HRH1: variants seen among roughly 807,000 people sequenced by gnomAD.
HRH1 encodes the protein histamine receptor H1.
A neutral mutation model predicts 10.3 loss-of-function variants in HRH1; 6 were observed. That is an observed-to-expected ratio of 0.58 (90% confidence interval 0.32 to 1.15). The LOEUF (loss-of-function observed/expected upper bound fraction) is 1.15. Among genes scored for constraint, HRH1 ranks in the 50% most tolerant of loss-of-function variants. HRH1 has a pLI of 0.05. For synonymous variants in HRH1, 242 were observed against 236.7 expected (o/e 1.02, Z -0.21); for missense variants, 514 against 615.3 (o/e 0.84, Z 1.74).
rs373718038 is a variant in HRH1, at chr3:11,219,022, T to C, written c.-35-39981T>C. Among the ~76,000 whole-genome samples the C allele has an allele frequency of 6.0e-4, 92 of 152,260 alleles. 2 individuals are homozygous for C. Among genetic ancestry groups the C allele is most frequent in the African/African-American group, 2.2e-3 (90 of 41,552 alleles). Reference sequence around the variant, plus strand: ...TTTCCTGCCTCAGCCTCTGAGTAGCTGGGATTACAGGCATAAGCTACCATG... The same window carrying C: ...TTTCCTGCCTCAGCCTCTGAGTAGCCGGGATTACAGGCATAAGCTACCATG... On this transcript the variant is annotated intron_variant, in intron 1 of 1. Transcript: ENST00000431010.
At position 11,241,531 on chromosome 3, in the gene HRH1, G is replaced by A. The variant is rs147810205; in HGVS notation, c.-35-17472G>A. ...ATCAGCACTCTGTAGCTAGCAATGG[G>A]ATTATAAAATGCACCACTCAGGCTG... is the stretch of plus-strand genomic sequence containing the variant. On this transcript the variant is annotated intron_variant, in intron 1 of 1. Transcript: ENST00000431010. 7.2e-3 allele frequency among the ~76,000 whole-genome samples: 1,086 copies of A among 151,638 alleles called. 5 individuals are homozygous for A. The highest frequency in any genetic ancestry group is 0.011 in the Non-Finnish European group (737 of 67,896).
chr3:11,204,768 T>A (rs181778184), intron 1 of HRH1, among the ~76,000 whole-genome samples: 5 of 152,318 alleles, frequency 3.3e-5, no homozygotes, highest in Non-Finnish European at 7.4e-5. Flanking sequence ...AAAGGGTCAG[T>A]CCTCCACTGG....
At chr3:11,254,665 G>A (rs140508608) in intron 1 of HRH1, among the ~76,000 whole-genome samples, 40 of 152,274 alleles carry the variant, frequency 2.6e-4, no homozygotes, top group African/African-American at 7.2e-4. Context: ...GTCTCCTCAC[G>A]AGAAATGATC....
At chr3:11,218,014 C>T (rs1272144055) in intron 1 of HRH1, among the ~76,000 whole-genome samples, 1 of 152,138 alleles carries the variant, frequency 6.6e-6, no homozygotes, top group African/African-American at 2.4e-5. Flanking sequence ...AACAGTCAAA[C>T]TTCCAGATTC....
chr3:11,185,981 G>A (rs1937445073), intron 1 of HRH1, among the ~76,000 whole-genome samples: 1 of 152,132 alleles, frequency 6.6e-6, no homozygotes, highest in African/African-American at 2.4e-5. Flanking sequence ...GGTGTTCTGT[G>A]GAAGCCCCGA....
At chr3:11,257,054 A>G (rs1241895925) in intron 1 of HRH1, among the ~76,000 whole-genome samples, 1 of 149,420 alleles carries the variant, frequency 6.7e-6, no homozygotes, top group Non-Finnish European at 1.5e-5. Context: ...GGAGTTCAAG[A>G]TCAGCCTGAC....
At chr3:11,142,885 G>C (rs1345572476) in intron 1 of HRH1, among the ~76,000 whole-genome samples, 1 of 151,968 alleles carries the variant, frequency 6.6e-6, no homozygotes, top group African/African-American at 2.4e-5. Flanking sequence ...CTGCACTCCA[G>C]CCTGGGCAAC....
chr3:11,239,003 C>T (rs752196729), intron 1 of HRH1, among the ~76,000 whole-genome samples: 8 of 152,254 alleles, frequency 5.3e-5, no homozygotes, highest in South Asian at 2.1e-4. Flanking sequence ...TGTGGTCACA[C>T]GATTAGTTCT....
intron 1 of HRH1, among the ~76,000 whole-genome samples, chr3:11,212,572 G>A (rs892615633): frequency 2.6e-5 from 4 of 152,136 alleles, no homozygotes; most frequent in Non-Finnish European, 4.4e-5. Flanking sequence ...AAGGCAATGG[G>A]CACTTTTCCC....
At chr3:11,163,021 G>A (rs954019619) in intron 1 of HRH1, among the ~76,000 whole-genome samples, 2 of 152,136 alleles carry the variant, frequency 1.3e-5, no homozygotes, top group African/African-American at 4.8e-5. Flanking sequence ...CATGCTTAGG[G>A]GGAATTAAAA....
rs548490775 is a variant in HRH1 at position 11,181,822 on chromosome 3, A to G, written c.-36+27268A>G. 1.0e-3 allele frequency among the ~76,000 whole-genome samples: 156 copies of G among 152,038 alleles called. 4 individuals are homozygous for G. In the East Asian group the frequency reaches 0.012, roughly 12 times the overall value. On this transcript the variant is annotated intron_variant, in intron 1 of 1. Coordinates refer to ENST00000431010, the MANE Select transcript of HRH1 (RefSeq NM_001098212.2). ...AATTTTTTGTATTTTTAGTAGAGAC[A>G]GGGTTTCACCATGTTAGCCAGGATG...
intron 1 of HRH1, among the ~76,000 whole-genome samples, chr3:11,250,571 A>G (rs1939621622): frequency 6.6e-6 from 1 of 152,044 alleles, no homozygotes; most frequent in African/African-American, 2.4e-5. Flanking sequence ...CTGGTAATTC[A>G]ATGGGTGGAG....
At position 11,228,135 on chromosome 3, in the gene HRH1, T is replaced by A. The variant is rs150668437; in HGVS notation, c.-35-30868T>A. On this transcript the variant is annotated intron_variant, in intron 1 of 1. Coordinates refer to ENST00000431010, the MANE Select transcript of HRH1 (RefSeq NM_001098212.2). The stretch of plus-strand genomic sequence containing the variant: ...AGGCAGGATTCATCTACTTATTCAT[T>A]CATCACTTACTGAACTCCTCCTACC... Among the ~76,000 whole-genome samples, 469 of 152,356 alleles carry A rather than the reference T, an allele frequency of 3.1e-3. 2 individuals are homozygous for A. The highest frequency in any genetic ancestry group is 5.4e-3 in the Non-Finnish European group (367 of 68,040).
chr3:11,144,482 T>TATACCTATAGACGTATAGAC (rs1936384136), intron 1 of HRH1, among the ~76,000 whole-genome samples: 11 of 9,784 alleles, frequency 1.1e-3, no homozygotes, highest in South Asian at 4.2e-3. Flanking sequence ...GACATATATA[T>TATACCTATAGACGTATAGAC]ACACACACAC....
At chr3:11,240,492 CCA>C (rs1213248792) in intron 1 of HRH1, among the ~76,000 whole-genome samples, 1 of 152,016 alleles carries the variant, frequency 6.6e-6, no homozygotes, top group Non-Finnish European at 1.5e-5. Context: ...CCCTCTTGCT[CCA>C]CACACAGTCC....
chr3:11,259,914 G>C lies in HRH1; in HGVS notation c.877G>C (p.Asp293His), dbSNP rs1391854935. Reference protein sequence around the residue: ...MKSPVVFSQEDDREVDKLYCF... With the variant: ...MKSPVVFSQEHDREVDKLYCF... ...ATCCCCAGTTGTCTTCAGCCAAGAG[G>C]ATGATAGAGAAGTAGACAAACTCTA... Residue 293 changes from aspartate (D) to histidine (H), a missense_variant, in exon 2 of 2, where the codon GAT becomes CAT. Transcript: ENST00000431010. The surrounding 1 kb of genome is among the most constrained non-coding windows in gnomAD (Gnocchi z 4.6). 4 of 1,614,050 alleles carry C rather than the reference G, an allele frequency of 2.5e-6. No individual in the cohort carries two copies. The highest frequency in any genetic ancestry group is 2.2e-5 in the East Asian group (1 of 44,900).
At chr3:11,204,948 C>T (rs954835715) in intron 1 of HRH1, among the ~76,000 whole-genome samples, 1 of 152,288 alleles carries the variant, frequency 6.6e-6, no homozygotes, top group South Asian at 2.1e-4. Flanking sequence ...TCCAGCCCCA[C>T]GTTTTTGGCT....
intron 1 of HRH1, among the ~76,000 whole-genome samples, chr3:11,214,617 A>G (rs1938430954): frequency 6.6e-6 from 1 of 152,264 alleles, no homozygotes; most frequent in Non-Finnish European, 1.5e-5. Context: ...TCATTCATTC[A>G]TTCATTCAAT....
chr3:11,198,516 G>A (rs1937763499), intron 1 of HRH1, among the ~76,000 whole-genome samples: 1 of 152,182 alleles, frequency 6.6e-6, no homozygotes, highest in South Asian at 2.1e-4. Flanking sequence ...GATTAGAGGT[G>A]CAGGTAAATG....
Sources: gnomAD v4.1 joint callset for allele counts (sites outside exome capture counted in the v4.1 genomes callset) on GRCh38, gnomAD v4.1.1 for gene constraint, Gnocchi (gnomAD v3.1) non-coding constraint, MANE v1.5 for transcripts, NCBI Gene and HGNC (gene_info 2026-07-23, HGNC 2026-07-21) for gene names.